Variants in DLG1 observed in about 807,000 individuals in gnomAD.
DLG1 encodes disks large homolog 1.
In DLG1, 42 loss-of-function variants were observed where a neutral mutation model predicts 123.4. That is an observed-to-expected ratio of 0.34 (90% CI 0.27 to 0.44). The LOEUF (loss-of-function observed/expected upper bound fraction) is 0.44. Among genes scored for constraint, DLG1 ranks in the 20% least tolerant of loss-of-function variants. DLG1 has a pLI of 1.00. For missense variants in DLG1, 942 were observed against 1,082.6 expected (o/e 0.87, Z 1.82); for synonymous variants, 317 against 356.2 (o/e 0.89, Z 1.24).
Position 197,297,228 on chromosome 3 carries a change from G to C in DLG1, c.-24C>G. 6.2e-7 allele frequency: 1 copy of C among 1,614,000 alleles called. No individual in the cohort carries two copies. The highest frequency in any genetic ancestry group is 8.5e-7 in the Non-Finnish European group (1 of 1,180,006). ...ATTTTTCTCCAGAATCAGGAAGAGG[G>C]CACACACCTTTAAAACACACAACGG... is the stretch of plus-strand genomic sequence containing the variant. On this transcript the variant is annotated 5_prime_UTR_variant, in exon 2 of 25. Coordinates refer to ENST00000667157, the MANE Select transcript of DLG1 (RefSeq NM_001366207.1).
intron 16 of DLG1, among the ~76,000 whole-genome samples, chr3:197,084,284 T>A (rs1752860311): frequency 6.6e-6 from 1 of 151,350 alleles, no homozygotes; most frequent in Non-Finnish European, 1.5e-5. Flanking sequence ...TAGCTTTAGA[T>A]CAATTTCTGC....
chr3:197,231,140 G>A (rs1226691517), intron 4 of DLG1, among the ~76,000 whole-genome samples: 1 of 152,216 alleles, frequency 6.6e-6, no homozygotes, highest in South Asian at 2.1e-4. Context: ...TCACACTGCT[G>A]TAAGAGAACC....
intron 12 of DLG1, among the ~76,000 whole-genome samples, chr3:197,118,936 G>A (rs1774792650): frequency 6.6e-6 from 1 of 152,006 alleles, no homozygotes; most frequent in African/African-American, 2.4e-5. Flanking sequence ...TCTAGGAGTT[G>A]GAGGCTGCAG....
At chr3:197,198,487 CA>C (rs5855568) in intron 4 of DLG1, among the ~76,000 whole-genome samples, 1,870 of 109,604 alleles carry the variant, frequency 0.017, 31 homozygotes, top group African/African-American at 0.06. Flanking sequence ...ACTCAGTCTC[CA>C]AAAAAAAAAA....
chr3:197,130,678 A>C lies in DLG1; in HGVS notation c.1021-7T>G. On this transcript the variant is annotated splice_polypyrimidine_tract_variant and splice_region_variant and intron_variant, in intron 10 of 24. Transcript: ENST00000667157. ...CTAAACATACGTTATTCACCTAAAA[A>C]AAGTCCCAAAAGACATTTATGACAT... 1 of 1,582,530 alleles carries C rather than the reference A, an allele frequency of 6.3e-7. No homozygotes were observed. The highest frequency in any genetic ancestry group is 8.6e-7 in the Non-Finnish European group (1 of 1,167,078).
intron 9 of DLG1, among the ~76,000 whole-genome samples, chr3:197,137,037 TAAC>T (rs752098389): frequency 1.3e-5 from 2 of 152,210 alleles, no homozygotes; most frequent in Non-Finnish European, 2.9e-5. Context: ...TGAGAAGAAA[TAAC>T]AACATTGTCT....
intron 4 of DLG1, among the ~76,000 whole-genome samples, chr3:197,253,935 A>T (rs1755660627): frequency 6.6e-6 from 1 of 152,038 alleles, no homozygotes; most frequent in Non-Finnish European, 1.5e-5. Context: ...AAAAAAAAAA[A>T]GGAAATGGAA....
At chr3:197,215,514 A>G (rs1186221814) in intron 4 of DLG1, among the ~76,000 whole-genome samples, 1 of 152,186 alleles carries the variant, frequency 6.6e-6, no homozygotes, top group Non-Finnish European at 1.5e-5. Context: ...GTGTAAACCT[A>G]AACAGAAAAC....
intron 4 of DLG1, among the ~76,000 whole-genome samples, chr3:197,256,894 C>A (rs764629928): frequency 3.3e-5 from 5 of 152,146 alleles, no homozygotes; most frequent in Admixed American, 6.5e-5. Context: ...TTAGGAAACA[C>A]TTGATTATAA....
chr3:197,294,128 G>C (rs554718849), intron 3 of DLG1, among the ~76,000 whole-genome samples: 1 of 152,102 alleles, frequency 6.6e-6, no homozygotes, highest in South Asian at 2.1e-4. Flanking sequence ...AAACACAAGA[G>C]AATGTATTTA....
intron 15 of DLG1, among the ~76,000 whole-genome samples, chr3:197,090,356 TA>T (rs1190062173): frequency 3.9e-5 from 6 of 151,998 alleles, no homozygotes; most frequent in African/African-American, 1.4e-4. Flanking sequence ...ATCACCTATT[TA>T]TTAGACCTAT....
chr3:197,137,865 G>T (rs1487209144), intron 9 of DLG1, among the ~76,000 whole-genome samples: 3 of 151,884 alleles, frequency 2.0e-5, no homozygotes, highest in Admixed American at 1.3e-4. Flanking sequence ...CAAGCTACTT[G>T]GGAGGGTGAG....
In DLG1 at chr3:197,134,228, G is replaced by A. The variant is rs185485418; in HGVS notation, c.1020+2314C>T. 3.1e-3 allele frequency among the ~76,000 whole-genome samples: 470 copies of A among 152,018 alleles called. 3 individuals are homozygous for A. Among genetic ancestry groups the A allele is most frequent in the African/African-American group, 0.011 (446 of 41,472 alleles). Reference sequence around the variant, plus strand: ...GTTCAAGTTCTGCTCTTTCCTTTTCGCCATCATTAACTAAAAAAAGTCTCC... The same window carrying A: ...GTTCAAGTTCTGCTCTTTCCTTTTCACCATCATTAACTAAAAAAAGTCTCC... On this transcript the variant is annotated intron_variant, in intron 10 of 24. Transcript: ENST00000667157.
At chr3:197,070,949 A>G (rs1380085842) in intron 18 of DLG1, 2 of 152,174 alleles carry the variant, frequency 1.3e-5, no homozygotes, top group African/African-American at 4.8e-5. Flanking sequence ...CAATAATTTA[A>G]AATTGGTGTA....
At chr3:197,126,783 A>T in intron 11 of DLG1, among the ~76,000 whole-genome samples, 1 of 152,344 alleles carries the variant, frequency 6.6e-6, no homozygotes, top group East Asian at 1.9e-4. Context: ...TTGAGCAATT[A>T]ATAAATCAAT....
intron 14 of DLG1, among the ~76,000 whole-genome samples, chr3:197,102,829 G>A (rs1461552419): frequency 6.6e-6 from 1 of 152,232 alleles, no homozygotes; most frequent in Non-Finnish European, 1.5e-5. Flanking sequence ...CTGCACTCCA[G>A]CCTGGGCAAG....
At chr3:197,057,405 T>C (rs967021020) in intron 23 of DLG1, among the ~76,000 whole-genome samples, 1 of 152,218 alleles carries the variant, frequency 6.6e-6, no homozygotes, top group Non-Finnish European at 1.5e-5. Context: ...TGAACAGTAC[T>C]GTCATCACGC....
At chr3:197,093,473 T>C (rs999601974) in intron 14 of DLG1, among the ~76,000 whole-genome samples, 10 of 152,072 alleles carry the variant, frequency 6.6e-5, no homozygotes, top group Non-Finnish European at 1.2e-4. Context: ...TCTTAAACAG[T>C]AGAATACACA....
chr3:197,190,697 T>C (rs1718843252), intron 5 of DLG1, among the ~76,000 whole-genome samples: 1 of 152,138 alleles, frequency 6.6e-6, no homozygotes, highest in South Asian at 2.1e-4. Flanking sequence ...ACAAGAATCA[T>C]ATACGGAGAT....
Sources: allele counts gnomAD v4.1 joint callset (sites outside exome capture counted in the v4.1 genomes callset), GRCh38; gene constraint gnomAD v4.1.1; transcripts MANE v1.5; gene names NCBI Gene and HGNC (gene_info 2026-07-23, HGNC 2026-07-21).